Variants in NSMCE2 observed in about 807,000 individuals in gnomAD.
The protein encoded by NSMCE2 is E3 SUMO-protein ligase NSE2.
A neutral mutation model predicts 23.8 loss-of-function variants in NSMCE2; 24 were observed. The ratio of observed to expected loss-of-function variants is 1.01; its 90% CI spans 0.73 to 1.42. NSMCE2 has a LOEUF of 1.42. Ranked by LOEUF, NSMCE2 falls within the 40% of genes most tolerant of loss-of-function variation. The pLI, the probability that NSMCE2 is intolerant of heterozygous loss-of-function variation, is 0.00. For missense variants in NSMCE2, 284 were observed against 296.5 expected (o/e 0.96, Z 0.31); for synonymous variants, 92 against 94.1 (o/e 0.98, Z 0.13).
At chr8:125,231,235 C>A (rs1289740716) in intron 5 of NSMCE2, among the ~76,000 whole-genome samples, 2 of 152,166 alleles carry the variant, frequency 1.3e-5, no homozygotes, top group Non-Finnish European at 2.9e-5. Flanking sequence ...TGACCTAATA[C>A]ACAGAAAGTG....
chr8:125,288,890 G>C lies in NSMCE2; in HGVS notation c.419-68329G>C, dbSNP rs1022675860. ...GCTCACTGCAGCCTCAACCTCCCAG[G>C]CTCAAACCATCCTCCCACCTCAGCT... is the stretch of plus-strand genomic sequence containing the variant. On this transcript the variant is annotated intron_variant, in intron 5 of 7. Coordinates refer to ENST00000287437, the MANE Select transcript of NSMCE2 (RefSeq NM_173685.4). Among the ~76,000 whole-genome samples the C allele has an allele frequency of 2.6e-5, 4 of 152,042 alleles. No individual in the cohort carries two copies. In the East Asian group the frequency reaches 7.7e-4, roughly 29 times the overall value.
chr8:125,121,735 A>T (rs1462325084), intron 3 of NSMCE2, among the ~76,000 whole-genome samples: 2 of 152,206 alleles, frequency 1.3e-5, no homozygotes, highest in Non-Finnish European at 1.5e-5. Context: ...CTGGCATGTT[A>T]TAAATGCCTT....
chr8:125,259,284 G>A (rs1826577238), intron 5 of NSMCE2, among the ~76,000 whole-genome samples: 1 of 152,178 alleles, frequency 6.6e-6, no homozygotes, highest in African/African-American at 2.4e-5. Flanking sequence ...TTGCAGTAGA[G>A]CAGGAGTCCC....
At position 125,150,426 on chromosome 8, in the gene NSMCE2, C is replaced by CTTTTTTTTTTTTTTTTTT. The variant is rs71295819; in HGVS notation, c.158-737_158-720dup. On this transcript the variant is annotated intron_variant, in intron 3 of 7. Coordinates refer to ENST00000287437, the MANE Select transcript of NSMCE2 (RefSeq NM_173685.4). ...TTTTCTTTTTTTCTTTTCTTTCTTTCTTTTTTTTTTTTTTTTTTTTTTTTT... is the reference window on the plus strand; with the variant it reads ...TTTTCTTTTTTTCTTTTCTTTCTTTCTTTTTTTTTTTTTTTTTTTTTTTTTTTTTTTTTTTTTTTTTTT... Among the ~76,000 whole-genome samples the CTTTTTTTTTTTTTTTTTT allele has an allele frequency of 3.2e-4, 20 of 61,852 alleles. 1 individual carries two copies. Among genetic ancestry groups the CTTTTTTTTTTTTTTTTTT allele is most frequent in the African/African-American group, 6.6e-4 (9 of 13,564 alleles). 40.6% of individuals were successfully genotyped at this position (61,852 alleles called of 152,430 possible). A position where few individuals can be genotyped will look rare whatever the true frequency, so the allele number is the denominator to read the frequency against.
At chr8:125,107,342 C>T (rs956829436) in intron 3 of NSMCE2, among the ~76,000 whole-genome samples, 2 of 151,980 alleles carry the variant, frequency 1.3e-5, no homozygotes, top group African/African-American at 2.4e-5. Context: ...TACAGGTGCA[C>T]ACCACCATGC....
intron 5 of NSMCE2, among the ~76,000 whole-genome samples, chr8:125,265,164 T>TG (rs1826859441): frequency 6.6e-6 from 1 of 151,754 alleles, no homozygotes; most frequent in Non-Finnish European, 1.5e-5. Flanking sequence ...ATTTAATTTT[T>TG]TTTTGGTAGT....
At chr8:125,214,655 C>A (rs1824497592) in intron 5 of NSMCE2, among the ~76,000 whole-genome samples, 1 of 152,116 alleles carries the variant, frequency 6.6e-6, no homozygotes, top group Non-Finnish European at 1.5e-5. Context: ...CTCCCCCAAT[C>A]CCCTACACAC....
intron 5 of NSMCE2, among the ~76,000 whole-genome samples, chr8:125,221,765 C>T (rs1217867696): frequency 2.0e-5 from 3 of 152,136 alleles, no homozygotes; most frequent in East Asian, 3.8e-4. Context: ...TTAATAATGT[C>T]GTGCATGAAA....
chr8:125,130,301 T>G, intron 3 of NSMCE2: 1 of 455,934 alleles, frequency 2.2e-6, no homozygotes, highest in Non-Finnish European at 4.4e-6. Context: ...ACCAGTAATG[T>G]CAACCTTGAT....
intron 4 of NSMCE2, among the ~76,000 whole-genome samples, chr8:125,151,754 G>A (rs1821043148): frequency 6.6e-6 from 1 of 152,194 alleles, no homozygotes; most frequent in Admixed American, 6.5e-5. Flanking sequence ...TTTTCCAGAA[G>A]CCAAACTTAT....
intron 4 of NSMCE2, among the ~76,000 whole-genome samples, chr8:125,154,815 C>G (rs960415001): frequency 1.3e-5 from 2 of 152,078 alleles, no homozygotes; most frequent in Admixed American, 6.6e-5. Flanking sequence ...AAACTGTTTT[C>G]TCAGTTTCAT....
chr8:125,338,148 A>C (rs931536956), intron 5 of NSMCE2, among the ~76,000 whole-genome samples: 40 of 152,148 alleles, frequency 2.6e-4, no homozygotes, highest in African/African-American at 8.0e-4. Flanking sequence ...GTGACCTCCC[A>C]GGTCACATAG....
At chr8:125,358,318 G>A (rs1813375377) in intron 7 of NSMCE2, among the ~76,000 whole-genome samples, 1 of 150,656 alleles carries the variant, frequency 6.6e-6, no homozygotes, top group South Asian at 2.1e-4. Flanking sequence ...GGGCAACAGA[G>A]CTAGACTCTG....
intron 3 of NSMCE2, among the ~76,000 whole-genome samples, chr8:125,140,433 C>T (rs536900796): frequency 6.6e-5 from 10 of 152,178 alleles, no homozygotes; most frequent in African/African-American, 2.4e-4. Context: ...GAGGCCAAGG[C>T]GGGAGAATTA....
At chr8:125,333,426 C>G in intron 5 of NSMCE2, among the ~76,000 whole-genome samples, 1 of 151,578 alleles carries the variant, frequency 6.6e-6, no homozygotes, top group African/African-American at 2.4e-5. Context: ...CCTGCCTCAG[C>G]CTCCAGAGTC....
At chr8:125,175,476 T>A (rs1364490291) in intron 4 of NSMCE2, among the ~76,000 whole-genome samples, 1 of 152,252 alleles carries the variant, frequency 6.6e-6, no homozygotes, top group East Asian at 1.9e-4. Context: ...GATAAACTTC[T>A]GAAGGCTGTG....
intron 5 of NSMCE2, among the ~76,000 whole-genome samples, chr8:125,303,175 G>A (rs1030796997): frequency 6.6e-6 from 1 of 152,176 alleles, no homozygotes; most frequent in Non-Finnish European, 1.5e-5. Context: ...GCAGCTTTCA[G>A]AGTAGCTGCC....
intron 5 of NSMCE2, among the ~76,000 whole-genome samples, chr8:125,323,163 A>G (rs1369092610): frequency 6.6e-6 from 1 of 152,252 alleles, no homozygotes; most frequent in East Asian, 1.9e-4. Flanking sequence ...ACCTAAATTA[A>G]TGGAAAGATA....
At chr8:125,099,429 A>G (rs1818081123) in intron 1 of NSMCE2, among the ~76,000 whole-genome samples, 1 of 152,120 alleles carries the variant, frequency 6.6e-6, no homozygotes, top group Non-Finnish European at 1.5e-5. Flanking sequence ...GCCCTGAGGC[A>G]GGGCTGTATT....
Sources: allele counts gnomAD v4.1 joint callset (sites outside exome capture counted in the v4.1 genomes callset), GRCh38; gene constraint gnomAD v4.1.1; transcripts MANE v1.5; gene names NCBI Gene and HGNC (gene_info 2026-07-23, HGNC 2026-07-21).